KCTD5: variants seen among roughly 807,000 people sequenced by gnomAD.
KCTD5 encodes the protein potassium channel tetramerization domain containing 5, also known as BTB/POZ domain-containing protein KCTD5.
KCTD5 carries 12 observed loss-of-function variants against 27.9 expected under a neutral mutation model. The ratio of observed to expected loss-of-function variants is 0.43; its 90% CI spans 0.28 to 0.70. The LOEUF is 0.70. Ranked by LOEUF, KCTD5 falls within the 30% of genes least tolerant of loss-of-function variation. KCTD5 has a pLI of 0.19. For synonymous variants in KCTD5, 147 were observed against 121.4 expected, an observed-to-expected ratio of 1.21 and a Z score of -1.39; for missense variants, 226 against 274.8, an observed-to-expected ratio of 0.82 and a Z score of 1.26.
intron 5 of KCTD5, among the ~76,000 whole-genome samples, chr16:2,706,466 G>A (rs1477714968): frequency 6.6e-6 from 1 of 152,186 alleles, no homozygotes; most frequent in Non-Finnish European, 1.5e-5. Context: ...GCTCGGGAGC[G>A]TGGGGTGATT....
At position 2,690,305 on chromosome 16, in the gene KCTD5, C is replaced by T. The variant is rs932050515; in HGVS notation, c.253-5630C>T. 2.6e-5 allele frequency among the ~76,000 whole-genome samples: 4 copies of T among 152,218 alleles called. No individual in the cohort carries two copies. The South Asian group carries it at 6.2e-4, about 24-fold the overall frequency. ...TGCCATGTGCTCCCGTGGCCAGGGT[C>T]GCCCTCTCCTCTGTGGTTTGGCAAC... On this transcript the variant is annotated intron_variant, in intron 1 of 5. Coordinates refer to ENST00000301738, the MANE Select transcript of KCTD5 (RefSeq NM_018992.4).
At chr16:2,707,265 A>G in intron 5 of KCTD5, 33 bp from the exon 6 acceptor site, 1 of 1,610,778 alleles carries the variant, frequency 6.2e-7, no homozygotes, top group South Asian at 1.1e-5. Context: ...TCCTCAGCCC[A>G]AGTCCTCATT....
At chr16:2,688,825 C>G (rs981509398) in intron 1 of KCTD5, among the ~76,000 whole-genome samples, 17 of 35,320 alleles carry the variant, frequency 4.8e-4, no homozygotes, top group African/African-American at 1.8e-3. Context: ...CCTGGGCAGC[C>G]CCCGAGTTTT....
At chr16:2,703,637 C>A (rs767666996) in intron 5 of KCTD5, among the ~76,000 whole-genome samples, 26 of 152,194 alleles carry the variant, frequency 1.7e-4, no homozygotes, top group Non-Finnish European at 2.6e-4. Context: ...CTCTCGGAGG[C>A]CTGCGGCCAG....
At chr16:2,699,724 G>A in intron 3 of KCTD5, 97 bp from the exon 4 acceptor site, 1 of 1,069,178 alleles carries the variant, frequency 9.4e-7, no homozygotes, top group Non-Finnish European at 1.4e-6. Context: ...GAGAACTGCA[G>A]AGTGGACCTC....
intron 1 of KCTD5, among the ~76,000 whole-genome samples, chr16:2,687,805 G>A (rs1440126331): frequency 6.6e-6 from 1 of 152,156 alleles, no homozygotes; most frequent in Non-Finnish European, 1.5e-5. Flanking sequence ...GGAAGAACCT[G>A]CCTGCCTGGC....
chr16:2,702,636 G>A (rs907129164), intron 5 of KCTD5, among the ~76,000 whole-genome samples, 158 bp downstream of exon 5: 1 of 152,216 alleles, frequency 6.6e-6, no homozygotes, highest in Non-Finnish European at 1.5e-5. Flanking sequence ...CGTGGGACAG[G>A]TTCTCTCGAC....
intron 1 of KCTD5, among the ~76,000 whole-genome samples, chr16:2,691,314 C>T (rs1037433071): frequency 2.6e-5 from 4 of 152,234 alleles, no homozygotes; most frequent in Non-Finnish European, 4.4e-5. Context: ...GCCTGTTTCT[C>T]GAGGAAACCC....
chr16:2,688,439 A>T (rs1321870127), intron 1 of KCTD5, among the ~76,000 whole-genome samples: 11 of 151,738 alleles, frequency 7.2e-5, no homozygotes, highest in South Asian at 2.1e-4. Flanking sequence ...TCAGTAGAGA[A>T]GGGGTTTTGC....
intron 1 of KCTD5, among the ~76,000 whole-genome samples, chr16:2,691,866 C>A (rs534073183): frequency 6.0e-4 from 91 of 152,334 alleles, no homozygotes; most frequent in Admixed American, 5.1e-3. Flanking sequence ...GCCTCCCCTG[C>A]CTTTGATGGC....
At chr16:2,688,228 A>ATATATATATATAT (rs2067549785) in intron 1 of KCTD5, among the ~76,000 whole-genome samples, 22 of 84,612 alleles carry the variant, frequency 2.6e-4, no homozygotes, top group African/African-American at 8.3e-4. Flanking sequence ...TAAATAAATA[A>ATATATATATATAT]ATATATATAT....
At chr16:2,706,730 G>A (rs2067638122) in intron 5 of KCTD5, among the ~76,000 whole-genome samples, 1 of 150,098 alleles carries the variant, frequency 6.7e-6, no homozygotes, top group Admixed American at 6.6e-5. Context: ...GATGAGGAGG[G>A]GATCCCCGCA....
At chr16:2,698,318 G>C (rs1396209475) in intron 3 of KCTD5, among the ~76,000 whole-genome samples, 1 of 152,244 alleles carries the variant, frequency 6.6e-6, no homozygotes, top group Non-Finnish European at 1.5e-5. Flanking sequence ...CCCTGAGGTG[G>C]ATGGCATCTG....
chr16:2,687,437 T>C (rs2067544654), intron 1 of KCTD5, among the ~76,000 whole-genome samples: 1 of 152,220 alleles, frequency 6.6e-6, no homozygotes, highest in Non-Finnish European at 1.5e-5. Context: ...AGATACAGCC[T>C]TCAGTGGCTG....
At chr16:2,688,285 C>T (rs1029968494) in intron 1 of KCTD5, among the ~76,000 whole-genome samples, 1 of 150,558 alleles carries the variant, frequency 6.6e-6, no homozygotes, top group African/African-American at 2.5e-5. Flanking sequence ...GAGTCTTGCT[C>T]TGTCCCCCAG....
intron 4 of KCTD5, among the ~76,000 whole-genome samples, chr16:2,702,101 G>A (rs984919486): frequency 2.0e-5 from 3 of 152,190 alleles, no homozygotes; most frequent in Non-Finnish European, 4.4e-5. Context: ...TTTTGGCCCA[G>A]CTGGAAGCGC....
At chr16:2,698,094 C>T (rs958228720) in intron 3 of KCTD5, 97 bp downstream of exon 3, 33 of 808,364 alleles carry the variant, frequency 4.1e-5, no homozygotes, top group South Asian at 2.4e-4. Context: ...ATAAGTCCTG[C>T]GGTCTGGGGC....
chr16:2,700,213 G>C (rs1356880888), intron 4 of KCTD5, among the ~76,000 whole-genome samples: 1 of 152,216 alleles, frequency 6.6e-6, no homozygotes, highest in Non-Finnish European at 1.5e-5. Flanking sequence ...GTGTGAGGGA[G>C]GGGACTGGCG....
chr16:2,687,675 C>T (rs756596252), intron 1 of KCTD5, among the ~76,000 whole-genome samples: 10 of 152,210 alleles, frequency 6.6e-5, no homozygotes, highest in South Asian at 2.1e-4. Context: ...CCGGCCCTGT[C>T]GTTAACCACC....
Sources: allele counts gnomAD v4.1 joint callset (sites outside exome capture counted in the v4.1 genomes callset), GRCh38; gene constraint gnomAD v4.1.1; transcripts MANE v1.5; gene names NCBI Gene and HGNC (gene_info 2026-07-23, HGNC 2026-07-21).